The following UBE2F variants were observed in gnomAD, a reference collection of about 807,000 sequenced individuals.
The protein encoded by UBE2F is ubiquitin conjugating enzyme E2 F (putative), also known as NEDD8-conjugating enzyme UBE2F.
A neutral mutation model predicts 29.6 loss-of-function variants in UBE2F; 5 were observed. The ratio of observed to expected loss-of-function variants is 0.17; its 90% CI spans 0.09 to 0.36. UBE2F has a LOEUF of 0.36. Ranked by LOEUF, UBE2F falls within the 10% of genes least tolerant of loss-of-function variation. UBE2F has a pLI of 1.00. For synonymous variants in UBE2F, 66 were observed against 81.8 expected, an observed-to-expected ratio of 0.81 and a Z score of 1.04; for missense variants, 141 against 228.5, an observed-to-expected ratio of 0.62 and a Z score of 2.47.
At position 237,967,712 on chromosome 2, in the gene UBE2F, A is replaced by G. The variant is rs986539816; in HGVS notation, c.-17+580A>G. Among the ~76,000 whole-genome samples, 3 of 152,184 alleles carry G rather than the reference A, an allele frequency of 2.0e-5. No homozygotes were observed. The highest frequency in any genetic ancestry group is 2.9e-5 in the Non-Finnish European group (2 of 68,030). On this transcript the variant is annotated intron_variant, in intron 1 of 9. Transcript: ENST00000272930. This position sits in a 1 kb window ranked among gnomAD's most constrained non-coding sequence, Gnocchi z 6.3. ...GAAGAGTAAGTATGGACGCTTACCTACAACTGGGGGCGGCCAGGCTAGTTT... is the reference window on the plus strand; with the variant it reads ...GAAGAGTAAGTATGGACGCTTACCTGCAACTGGGGGCGGCCAGGCTAGTTT...
intron 4 of UBE2F, among the ~76,000 whole-genome samples, chr2:238,002,305 C>T (rs537612859): frequency 6.6e-6 from 1 of 152,034 alleles, no homozygotes. Context: ...TTTTAGGGTA[C>T]ATGTGCACAT....
chr2:238,002,757 G>A (rs1035571516), intron 4 of UBE2F, among the ~76,000 whole-genome samples: 1 of 151,906 alleles, frequency 6.6e-6, no homozygotes, highest in Non-Finnish European at 1.5e-5. Flanking sequence ...GATTACAGGT[G>A]TGCACCACCA....
intron 2 of UBE2F, among the ~76,000 whole-genome samples, chr2:237,985,703 G>C (rs2063467631): frequency 6.6e-6 from 1 of 152,194 alleles, no homozygotes; most frequent in South Asian, 2.1e-4. Context: ...TGTTGTCTTT[G>C]GGTAGATAAC....
Position 237,973,080 on chromosome 2 carries a change from G to A in UBE2F, c.-16-12G>A. ...CCTGGTCCTTAACCCTGCTTTCATT[G>A]CTGTCTTTCAGGGTAAAGGCAGCAG... On this transcript the variant is annotated splice_polypyrimidine_tract_variant and intron_variant, in intron 1 of 9. Transcript: ENST00000272930. The A allele has an allele frequency of 1.3e-6, 2 of 1,593,666 alleles. No individual in the cohort carries two copies. The highest frequency in any genetic ancestry group is 2.2e-5 in the South Asian group (2 of 90,110).
chr2:238,030,446 T>C (rs559981063), intron 6 of UBE2F, 110 bp from the exon 7 acceptor site: 121 of 718,346 alleles, frequency 1.7e-4, no homozygotes, highest in South Asian at 1.6e-3. Flanking sequence ...AAAAGATGGG[T>C]TTAATAAAAA....
intron 4 of UBE2F, among the ~76,000 whole-genome samples, chr2:238,000,937 A>G (rs2063779387): frequency 6.6e-6 from 1 of 151,460 alleles, no homozygotes; most frequent in Non-Finnish European, 1.5e-5. Flanking sequence ...TGCTACCTGT[A>G]TATCTTCTTT....
At chr2:237,977,642 C>T (rs1367890819) in intron 2 of UBE2F, among the ~76,000 whole-genome samples, 1 of 151,938 alleles carries the variant, frequency 6.6e-6, no homozygotes, top group South Asian at 2.1e-4. Flanking sequence ...GGAGTTATGG[C>T]GGAAGTGGTG....
At position 237,988,932 on chromosome 2, in the gene UBE2F, C is replaced by T. The variant is rs912775701; in HGVS notation, c.148+940C>T. On this transcript the variant is annotated intron_variant, in intron 3 of 9. Coordinates refer to ENST00000272930, the MANE Select transcript of UBE2F (RefSeq NM_080678.3). The stretch of plus-strand genomic sequence containing the variant: ...ACACACAGGGTCAGCATGCAGTCTT[C>T]ACTCATGAGCACCGTACATTCGGAA... Among the ~76,000 whole-genome samples, 4 of 152,166 alleles carry T rather than the reference C, an allele frequency of 2.6e-5. No individual in the cohort carries two copies. In the South Asian group the frequency reaches 8.3e-4, roughly 31 times the overall value.
chr2:237,975,769 G>A (rs1214443331), intron 2 of UBE2F, among the ~76,000 whole-genome samples: 3 of 152,180 alleles, frequency 2.0e-5, no homozygotes, highest in African/African-American at 7.2e-5. Context: ...CTCCTGAGTA[G>A]CTGGAATTAC....
At chr2:237,970,859 C>T (rs2063163030) in intron 1 of UBE2F, among the ~76,000 whole-genome samples, 1 of 152,168 alleles carries the variant, frequency 6.6e-6, no homozygotes, top group South Asian at 2.1e-4. Flanking sequence ...CAGGCACCCG[C>T]CACCATGCCG....
chr2:238,031,316 G>T (rs1479299195), intron 7 of UBE2F, among the ~76,000 whole-genome samples: 1 of 152,224 alleles, frequency 6.6e-6, no homozygotes, highest in South Asian at 2.1e-4. Flanking sequence ...CTGGGGCTCA[G>T]ATGGCTGTCA....
chr2:238,007,945 G>A (rs1478855156), intron 4 of UBE2F, among the ~76,000 whole-genome samples: 1 of 152,182 alleles, frequency 6.6e-6, no homozygotes, highest in East Asian at 1.9e-4. Context: ...TGTAAAATTA[G>A]TATTAATTAG....
intron 4 of UBE2F, among the ~76,000 whole-genome samples, chr2:238,006,486 A>G (rs1197259760): frequency 6.6e-6 from 1 of 152,226 alleles, no homozygotes; most frequent in Non-Finnish European, 1.5e-5. Flanking sequence ...TGTTGCTAGT[A>G]CATAAAAATA....
chr2:238,041,239 A>T (rs746027618), intron 9 of UBE2F, 49 bp from the exon 10 acceptor site: 3 of 1,580,794 alleles, frequency 1.9e-6, no homozygotes, highest in Non-Finnish European at 2.6e-6. Flanking sequence ...TCACTCACTC[A>T]CTCACTCCTC....
intron 1 of UBE2F, among the ~76,000 whole-genome samples, chr2:237,969,160 C>G (rs1438907094): frequency 1.3e-5 from 2 of 152,202 alleles, no homozygotes; most frequent in Admixed American, 1.3e-4. Context: ...TCTTTTATAT[C>G]TTGCAAGTCA....
At chr2:238,025,905 C>G (rs1036852587) in intron 6 of UBE2F, among the ~76,000 whole-genome samples, 1 of 152,208 alleles carries the variant, frequency 6.6e-6, no homozygotes. Context: ...GGCAGCCTCT[C>G]GGAGCTTCAT....
At chr2:237,998,974 A>C (rs1052423743) in intron 4 of UBE2F, among the ~76,000 whole-genome samples, 1 of 152,136 alleles carries the variant, frequency 6.6e-6, no homozygotes, top group African/African-American at 2.4e-5. Flanking sequence ...TCTGAATACA[A>C]GTCTTTTGTC....
At chr2:238,004,943 C>T (rs2063870164) in intron 4 of UBE2F, among the ~76,000 whole-genome samples, 2 of 152,190 alleles carry the variant, frequency 1.3e-5, no homozygotes, top group South Asian at 4.1e-4. Flanking sequence ...CTTCTGACCG[C>T]TGATAGTGCA....
chr2:238,009,321 C>T (rs1294459826), intron 4 of UBE2F, among the ~76,000 whole-genome samples: 4 of 152,204 alleles, frequency 2.6e-5, no homozygotes, highest in Admixed American at 6.5e-5. Flanking sequence ...TTTCTGTGAT[C>T]GTTTTCTGGC....
Sources: gnomAD v4.1 joint callset for allele counts (sites outside exome capture counted in the v4.1 genomes callset) on GRCh38, gnomAD v4.1.1 for gene constraint, Gnocchi (gnomAD v3.1) non-coding constraint, MANE v1.5 for transcripts, NCBI Gene and HGNC (gene_info 2026-07-23, HGNC 2026-07-21) for gene names.